Variants in ACAD11 observed in about 807,000 individuals in gnomAD.
The protein encoded by ACAD11 is acyl-Coenzyme A dehydrogenase family, member 11.
In ACAD11, 83 loss-of-function variants were observed where a neutral mutation model predicts 102.2. The ratio of observed to expected loss-of-function variants is 0.81; its 90% CI spans 0.68 to 0.97. The LOEUF is 0.97. Among genes scored for constraint, ACAD11 ranks in the 50% least tolerant of loss-of-function variants. The probability of loss-of-function intolerance (pLI) is 0.00; values close to 1 mark genes in which losing one functional copy is unlikely to be tolerated. For synonymous variants in ACAD11, 324 were observed against 319.8 expected, an observed-to-expected ratio of 1.01 and a Z score of -0.14; for missense variants, 901 against 951.7, an observed-to-expected ratio of 0.95 and a Z score of 0.70.
intron 17 of ACAD11, among the ~76,000 whole-genome samples, chr3:132,570,643 C>T (rs1409515211): frequency 3.3e-5 from 5 of 152,040 alleles, no homozygotes; most frequent in Non-Finnish European, 1.5e-5. Context: ...TTATTTTTCC[C>T]GACCCTCTCC....
intron 17 of ACAD11, among the ~76,000 whole-genome samples, chr3:132,564,437 C>A (rs1937151597): frequency 6.6e-6 from 1 of 152,230 alleles, no homozygotes; most frequent in African/African-American, 2.4e-5. Flanking sequence ...AATTCAACTT[C>A]TAACAATAGT....
At chr3:132,630,622 A>AT (rs1940001581) in intron 6 of ACAD11, 64 bp from the exon 7 acceptor site, 3 of 1,456,728 alleles carry the variant, frequency 2.1e-6, no homozygotes, top group Non-Finnish European at 2.8e-6. Flanking sequence ...TCAAAATGTT[A>AT]TGAGACTGAG....
At chr3:132,609,355 G>GC (rs1399364685) in intron 11 of ACAD11, among the ~76,000 whole-genome samples, 1 of 152,010 alleles carries the variant, frequency 6.6e-6, no homozygotes, top group Non-Finnish European at 1.5e-5. Flanking sequence ...TCCAGGAGCT[G>GC]TTTTTTTGAA....
At chr3:132,645,798 T>C (rs1295980006) in intron 1 of ACAD11, 1 of 152,154 alleles carries the variant, frequency 6.6e-6, no homozygotes, top group East Asian at 1.9e-4. Context: ...AGACCCATCC[T>C]CCCTGGCAAT....
intron 5 of ACAD11, among the ~76,000 whole-genome samples, chr3:132,637,737 C>G (rs1453634413): frequency 6.6e-6 from 1 of 152,124 alleles, no homozygotes; most frequent in Non-Finnish European, 1.5e-5. Context: ...CCCAAACATG[C>G]TTTAAATACT....
Position 132,593,979 on chromosome 3 carries a change from G to A in ACAD11, c.1621+9250C>T, listed in dbSNP as rs181033495. On this transcript the variant is annotated intron_variant, in intron 13 of 19. Coordinates refer to ENST00000264990, the MANE Select transcript of ACAD11 (RefSeq NM_032169.5). The stretch of plus-strand genomic sequence containing the variant: ...CCTCTAAGCTACATGATTATTTCAC[G>A]TATTTTGTCAAATTTCCCTATTACC... 4.6e-5 allele frequency among the ~76,000 whole-genome samples: 7 copies of A among 152,226 alleles called. No individual in the cohort carries two copies. In the East Asian group the frequency reaches 1.2e-3, roughly 25 times the overall value.
intron 17 of ACAD11, among the ~76,000 whole-genome samples, chr3:132,569,040 G>A (rs750827639): frequency 1.3e-5 from 2 of 151,164 alleles, no homozygotes; most frequent in Non-Finnish European, 1.5e-5. Context: ...TTCTGTGAAC[G>A]ACCCTGTTAA....
intron 13 of ACAD11, among the ~76,000 whole-genome samples, chr3:132,603,026 C>T (rs190107762): frequency 1.2e-4 from 19 of 152,294 alleles, no homozygotes; most frequent in Non-Finnish European, 2.5e-4. Context: ...TGGTCTTGAA[C>T]TCCTGGCCTC....
chr3:132,590,903 G>A (rs542249799), intron 13 of ACAD11, among the ~76,000 whole-genome samples: 1 of 152,190 alleles, frequency 6.6e-6, no homozygotes, highest in African/African-American at 2.4e-5. Context: ...GCTGGATATT[G>A]GACCTTTGTC....
intron 9 of ACAD11, among the ~76,000 whole-genome samples, chr3:132,626,364 T>C (rs1939809678): frequency 1.3e-5 from 2 of 152,038 alleles, no homozygotes; most frequent in Non-Finnish European, 2.9e-5. Context: ...ACACTTCTCA[T>C]TAAATTCTCA....
In ACAD11 at chr3:132,642,147, T is replaced by C; in HGVS notation, c.376-14A>G. ...GAAGATTCGACCCTATGGAAGTGATTACAACAGATTATTTAAATGTGTATA... is the reference window on the plus strand; with the variant it reads ...GAAGATTCGACCCTATGGAAGTGATCACAACAGATTATTTAAATGTGTATA... On this transcript the variant is annotated splice_polypyrimidine_tract_variant and intron_variant, in intron 3 of 19. Coordinates refer to ENST00000264990, the MANE Select transcript of ACAD11 (RefSeq NM_032169.5). The C allele has an allele frequency of 6.2e-7, 1 of 1,602,256 alleles. No individual in the cohort carries two copies. Among genetic ancestry groups the C allele is most frequent in the Non-Finnish European group, 8.5e-7 (1 of 1,172,858 alleles).
intron 17 of ACAD11, among the ~76,000 whole-genome samples, chr3:132,564,360 T>C (rs1382310490): frequency 6.6e-6 from 1 of 152,236 alleles, no homozygotes; most frequent in Non-Finnish European, 1.5e-5. Context: ...TCTAACTGTT[T>C]AGTAGAATTT....
At chr3:132,608,788 A>G (rs10935021) in intron 11 of ACAD11, among the ~76,000 whole-genome samples, 54,858 of 152,016 alleles carry the variant, frequency 0.36, 12,130 homozygotes, top group East Asian at 0.71. Flanking sequence ...TGGACCAAGC[A>G]GACCTAGTAG....
intron 11 of ACAD11, among the ~76,000 whole-genome samples, chr3:132,612,407 G>A (rs1939195762): frequency 6.6e-6 from 1 of 151,950 alleles, no homozygotes; most frequent in Non-Finnish European, 1.5e-5. Context: ...CTTCTGCACA[G>A]CAAAAGAAAC....
chr3:132,650,130 A>C (rs1940879639), intron 1 of ACAD11: 1 of 152,260 alleles, frequency 6.6e-6, no homozygotes, highest in African/African-American at 2.4e-5. Context: ...AATAGGCCAC[A>C]GTGAAAAATG....
chr3:132,658,512 T>C (rs1387263580), intron 1 of ACAD11, among the ~76,000 whole-genome samples: 1 of 152,236 alleles, frequency 6.6e-6, no homozygotes, highest in Non-Finnish European at 1.5e-5. Context: ...GGACTAGATG[T>C]TCAAAGGGTA....
intron 9 of ACAD11, among the ~76,000 whole-genome samples, chr3:132,625,472 C>T (rs934826857): frequency 6.6e-6 from 1 of 152,052 alleles, no homozygotes; most frequent in Admixed American, 6.5e-5. Context: ...CTTTTTAATA[C>T]TCAAGAGTTC....
chr3:132,649,002 T>C (rs1041709192), intron 1 of ACAD11, among the ~76,000 whole-genome samples: 8 of 152,380 alleles, frequency 5.3e-5, no homozygotes, highest in Middle Eastern at 3.4e-3. Context: ...ATGTGCCTTG[T>C]TAACAAAATG....
chr3:132,619,408 AG>A, intron 10 of ACAD11, 59 bp downstream of exon 10: 1 of 1,129,398 alleles, frequency 8.9e-7, no homozygotes, highest in Non-Finnish European at 1.3e-6. Context: ...AACAAAACTA[AG>A]GTCTAGGATC....
Sources: gnomAD v4.1 joint callset for allele counts (sites outside exome capture counted in the v4.1 genomes callset) on GRCh38, gnomAD v4.1.1 for gene constraint, MANE v1.5 for transcripts, NCBI Gene and HGNC (gene_info 2026-07-23, HGNC 2026-07-21) for gene names.